Variants in RARB observed in about 807,000 individuals in gnomAD.
RARB encodes the protein HBV-activated protein.
RARB carries 17 observed loss-of-function variants against 51.9 expected under a neutral mutation model. The ratio of observed to expected loss-of-function variants is 0.33; its 90% CI spans 0.22 to 0.49. The LOEUF (loss-of-function observed/expected upper bound fraction) is 0.49, where lower values mean the gene tolerates loss of function less well. Among genes scored for constraint, RARB ranks in the 20% least tolerant of loss-of-function variants. RARB has a pLI of 0.99. For missense variants in RARB, 369 were observed against 550.8 expected, an observed-to-expected ratio of 0.67 and a Z score of 3.30; for synonymous variants, 215 against 195.4, an observed-to-expected ratio of 1.10 and a Z score of -0.84.
At chr3:24,934,894 A>T (rs2125396014) in intron 2 of RARB, among the ~76,000 whole-genome samples, 1 of 152,284 alleles carries the variant, frequency 6.6e-6, no homozygotes, top group South Asian at 2.1e-4. Context: ...TGGTACATTT[A>T]AAAGTTAATG....
At chr3:25,138,292 T>C (rs543690640) in intron 4 of RARB, among the ~76,000 whole-genome samples, 2 of 151,840 alleles carry the variant, frequency 1.3e-5, no homozygotes, top group East Asian at 3.9e-4. Flanking sequence ...ATATTTTGCC[T>C]CCAGTCTGTG....
At position 25,445,430 on chromosome 3, in the gene RARB, C is replaced by T. The variant is rs111971394; in HGVS notation, c.158-15763C>T. Among the ~76,000 whole-genome samples, 918 of 152,144 alleles carry T rather than the reference C, an allele frequency of 6.0e-3. 6 individuals carry two copies. The highest frequency in any genetic ancestry group is 0.021 in the African/African-American group (861 of 41,494). ...CTGTAATCCCAGCACTTAGGAAGGC[C>T]GAGACAGGTGGATCACTTGAGGTCA... On this transcript the variant is annotated intron_variant, in intron 1 of 7. Transcript: ENST00000330688.
At chr3:25,557,007 G>C (rs1030167710) in intron 3 of RARB, among the ~76,000 whole-genome samples, 1 of 152,148 alleles carries the variant, frequency 6.6e-6, no homozygotes, top group Non-Finnish European at 1.5e-5. Context: ...GTGCAAGGTA[G>C]GTCAACAAAT....
chr3:25,262,892 C>T (rs1250968506), intron 5 of RARB, among the ~76,000 whole-genome samples: 3 of 152,204 alleles, frequency 2.0e-5, no homozygotes, highest in Admixed American at 6.5e-5. Context: ...TATCATTCCA[C>T]ATTAGTAAAT....
At chr3:25,258,968 AC>A in intron 5 of RARB, 1 of 933,754 alleles carries the variant, frequency 1.1e-6, no homozygotes, top group Non-Finnish European at 1.3e-6. Context: ...TGGGGACCAA[AC>A]CTCAGCCTGA....
At chr3:24,836,992 G>T (rs2125328498) in intron 1 of RARB, among the ~76,000 whole-genome samples, 1 of 152,280 alleles carries the variant, frequency 6.6e-6, no homozygotes, top group South Asian at 2.1e-4. Flanking sequence ...CCAGCCCCTT[G>T]GGGCTGACGT....
chr3:25,231,746 A>G (rs1322974952), intron 5 of RARB, among the ~76,000 whole-genome samples: 3 of 152,094 alleles, frequency 2.0e-5, no homozygotes, highest in Non-Finnish European at 4.4e-5. Context: ...TATTTTGTGC[A>G]TTTTTAAATT....
chr3:25,086,902 T>G (rs997700874), intron 3 of RARB, among the ~76,000 whole-genome samples: 2 of 152,148 alleles, frequency 1.3e-5, no homozygotes, highest in Non-Finnish European at 2.9e-5. Context: ...TGTGAATGTT[T>G]CTTATCAGAC....
intron 1 of RARB, among the ~76,000 whole-genome samples, chr3:24,846,870 GA>G (rs72344692): frequency 4.2e-3 from 548 of 130,590 alleles, no homozygotes; most frequent in Middle Eastern, 7.8e-3. Flanking sequence ...GCCAAAATTG[GA>G]AAAAAAAAAA....
chr3:25,543,592 A>G (rs1699481048), intron 3 of RARB, among the ~76,000 whole-genome samples: 1 of 151,204 alleles, frequency 6.6e-6, no homozygotes, highest in Admixed American at 6.6e-5. Flanking sequence ...ATATCTGCCC[A>G]TTGGCCATCT....
intron 3 of RARB, among the ~76,000 whole-genome samples, chr3:25,084,744 T>C (rs2125314410): frequency 6.6e-6 from 1 of 151,812 alleles, no homozygotes; most frequent in South Asian, 2.1e-4. Flanking sequence ...GTTTGGGGTT[T>C]TTTTTAATGT....
rs76462239 is a variant in RARB, at chr3:25,578,881, G to A, written c.610-1665G>A. ...GGTGGGGAACTAAAGATATCAGTTT[G>A]AGAAACACAGTACCTCTCCTGAGCT... is the stretch of plus-strand genomic sequence containing the variant. On this transcript the variant is annotated intron_variant, in intron 4 of 7. Coordinates refer to ENST00000330688, the MANE Select transcript of RARB (RefSeq NM_000965.5). Among the ~76,000 whole-genome samples, 275 of 152,348 alleles carry A rather than the reference G, an allele frequency of 1.8e-3. 2 individuals are homozygous for A. The highest frequency in any genetic ancestry group is 0.016 in the East Asian group (83 of 5,192).
chr3:25,070,330 A>G (rs1293740743), intron 3 of RARB, among the ~76,000 whole-genome samples: 1 of 152,190 alleles, frequency 6.6e-6, no homozygotes, highest in Admixed American at 6.5e-5. Flanking sequence ...TCTTAAACCT[A>G]TCTTTTGGGA....
intron 5 of RARB, among the ~76,000 whole-genome samples, chr3:25,252,283 T>C (rs1321735884): frequency 1.3e-5 from 2 of 152,194 alleles, no homozygotes; most frequent in African/African-American, 4.8e-5. Flanking sequence ...GAGAAGTGTG[T>C]GTCCCCCAGC....
intron 2 of RARB, among the ~76,000 whole-genome samples, chr3:24,900,779 A>C (rs1283033981): frequency 6.6e-6 from 1 of 152,220 alleles, no homozygotes; most frequent in Non-Finnish European, 1.5e-5. Context: ...ACAGCAGCAC[A>C]TTCGGTTTGA....
rs940952871 is a variant in RARB at position 25,027,536 on chromosome 3, T to G, written c.-379-32589T>G. On this transcript the variant is annotated intron_variant, in intron 2 of 11. Transcript: ENST00000383772. Reference sequence around the variant, plus strand: ...TTTTCTGTCTGTATAAGCCAGTTTGTGGGGGAAACAGCCATAATTGAGGTG... The same window carrying G: ...TTTTCTGTCTGTATAAGCCAGTTTGGGGGGGAAACAGCCATAATTGAGGTG... Among the ~76,000 whole-genome samples, 8 of 152,024 alleles carry G rather than the reference T, an allele frequency of 5.3e-5. No homozygotes were observed. In the South Asian group the frequency reaches 1.0e-3, roughly 20 times the overall value.
At chr3:25,036,720 G>A (rs921977715) in intron 2 of RARB, among the ~76,000 whole-genome samples, 26 of 152,078 alleles carry the variant, frequency 1.7e-4, no homozygotes, top group African/African-American at 4.6e-4. Context: ...GGGCTGCTTC[G>A]GAGAGCAATG....
At position 25,485,223 on chromosome 3, in the gene RARB, G is replaced by A. The variant is rs563934478; in HGVS notation, c.307-15959G>A. Among the ~76,000 whole-genome samples, 10 of 152,258 alleles carry A rather than the reference G, an allele frequency of 6.6e-5. No individual in the cohort carries two copies. The South Asian group carries it at 1.0e-3, about 16-fold the overall frequency. ...AAAATGTGGCCACCTTATATAACTCGTTTGGAAAAATGTCATTCTTTACTA... is the reference window on the plus strand; with the variant it reads ...AAAATGTGGCCACCTTATATAACTCATTTGGAAAAATGTCATTCTTTACTA... On this transcript the variant is annotated intron_variant, in intron 2 of 7. Transcript: ENST00000330688.
In RARB at chr3:25,005,635, A is replaced by G. The variant is rs114715004; in HGVS notation, c.-379-54490A>G. ...CTAGCCTTAGAAGCCACAAACCGTC[A>G]TCTCCACAATATCCTGTTGGTTGGA... On this transcript the variant is annotated intron_variant, in intron 2 of 11. Transcript: ENST00000383772. Among the ~76,000 whole-genome samples the G allele has an allele frequency of 5.6e-3, 849 of 152,248 alleles. 8 individuals are homozygous for G. Among genetic ancestry groups the G allele is most frequent in the African/African-American group, 0.018 (744 of 41,558 alleles).
Sources: allele counts gnomAD v4.1 joint callset (sites outside exome capture counted in the v4.1 genomes callset), GRCh38; gene constraint gnomAD v4.1.1; transcripts MANE v1.5; gene names NCBI Gene and HGNC (gene_info 2026-07-23, HGNC 2026-07-21).